SHISA6: variants seen among roughly 807,000 people sequenced by gnomAD.
SHISA6 encodes shisa family member 6, also known as protein shisa-6.
A neutral mutation model predicts 47.9 loss-of-function variants in SHISA6; 22 were observed. The observed-to-expected ratio is 0.46, with a 90% confidence interval of 0.33 to 0.66. SHISA6 has a LOEUF of 0.66. SHISA6 is among the 30% of genes least tolerant of loss of function. The pLI is 0.02. For synonymous variants in SHISA6, 388 were observed against 337.8 expected, an observed-to-expected ratio of 1.15 and a Z score of -1.63; for missense variants, 680 against 764.6, an observed-to-expected ratio of 0.89 and a Z score of 1.30.
intron 3 of SHISA6, among the ~76,000 whole-genome samples, chr17:11,455,591 C>T (rs1344150722): frequency 2.6e-5 from 4 of 151,904 alleles, no homozygotes; most frequent in Non-Finnish European, 5.9e-5. Flanking sequence ...CCAAATGGCA[C>T]TCTTCACAAG....
chr17:11,347,880 G>T (rs151123630), intron 2 of SHISA6, among the ~76,000 whole-genome samples: 1 of 152,176 alleles, frequency 6.6e-6, no homozygotes, highest in African/African-American at 2.4e-5. Flanking sequence ...GTTGTCCCAC[G>T]TAACCCACTC....
At chr17:11,410,344 A>G (rs1309893797) in intron 3 of SHISA6, among the ~76,000 whole-genome samples, 1 of 152,196 alleles carries the variant, frequency 6.6e-6, no homozygotes, top group African/African-American at 2.4e-5. Flanking sequence ...TCCTTCGCCT[A>G]TGTTTTCTTT....
intron 3 of SHISA6, among the ~76,000 whole-genome samples, chr17:11,401,729 A>G (rs1227790275): frequency 6.6e-6 from 1 of 152,168 alleles, no homozygotes; most frequent in Non-Finnish European, 1.5e-5. Flanking sequence ...TTTAAAGCAA[A>G]TATCCTCCAT....
At chr17:11,420,988 T>C (rs1211073079) in intron 3 of SHISA6, among the ~76,000 whole-genome samples, 1 of 152,184 alleles carries the variant, frequency 6.6e-6, no homozygotes, top group African/African-American at 2.4e-5. Flanking sequence ...ATGGGCTAAA[T>C]GGCCTATTCA....
intron 3 of SHISA6, among the ~76,000 whole-genome samples, chr17:11,531,267 A>G (rs921850402): frequency 4.3e-4 from 36 of 84,354 alleles, no homozygotes; most frequent in Admixed American, 2.3e-3. Flanking sequence ...GTGTGTGTGT[A>G]AGTGTGTAAA....
At chr17:11,462,087 G>A (rs1915706346) in intron 3 of SHISA6, among the ~76,000 whole-genome samples, 1 of 152,158 alleles carries the variant, frequency 6.6e-6, no homozygotes, top group Admixed American at 6.5e-5. Flanking sequence ...GAAAAGATCA[G>A]CTGGATCATA....
chr17:11,515,281 AAAG>A (rs1211058716), intron 3 of SHISA6, among the ~76,000 whole-genome samples: 2 of 133,458 alleles, frequency 1.5e-5, no homozygotes, highest in African/African-American at 5.3e-5. Context: ...TAGAGAAAGA[AAAG>A]AAAAGAAGAA....
intron 2 of SHISA6, among the ~76,000 whole-genome samples, chr17:11,342,431 A>G (rs1156583913): frequency 6.6e-6 from 1 of 151,976 alleles, no homozygotes; most frequent in Non-Finnish European, 1.5e-5. Context: ...AGATATGGAG[A>G]GAAGGCACAG....
At chr17:11,412,416 C>A (rs1914146783) in intron 3 of SHISA6, among the ~76,000 whole-genome samples, 2 of 152,074 alleles carry the variant, frequency 1.3e-5, no homozygotes, top group Admixed American at 1.3e-4. Flanking sequence ...CCCTCAAGGA[C>A]CACATTTATT....
At chr17:11,388,385 G>C (rs2142252971) in intron 3 of SHISA6, among the ~76,000 whole-genome samples, 1 of 152,242 alleles carries the variant, frequency 6.6e-6, no homozygotes, top group African/African-American at 2.4e-5. Context: ...GGATGGGTAG[G>C]AGTGGGAGCA....
intron 1 of SHISA6, among the ~76,000 whole-genome samples, chr17:11,247,267 A>G (rs888080418): frequency 3.3e-5 from 5 of 152,240 alleles, no homozygotes; most frequent in Non-Finnish European, 5.9e-5. Context: ...GATCCGGAAT[A>G]AAAGGGAACC....
chr17:11,433,055 G>A (rs1914832204), intron 3 of SHISA6, among the ~76,000 whole-genome samples: 1 of 152,200 alleles, frequency 6.6e-6, no homozygotes, highest in Admixed American at 6.5e-5. Context: ...TGTATGGCAT[G>A]TGAATTGTAT....
At chr17:11,544,361 G>A (rs1034138238) in intron 3 of SHISA6, among the ~76,000 whole-genome samples, 7 of 151,898 alleles carry the variant, frequency 4.6e-5, no homozygotes, top group Non-Finnish European at 8.8e-5. Context: ...TCTCAAAACA[G>A]GAAAATGCAA....
At chr17:11,531,978 CAAATAAAATTTGTA>C (rs1290286650) in intron 3 of SHISA6, among the ~76,000 whole-genome samples, 1 of 151,902 alleles carries the variant, frequency 6.6e-6, no homozygotes, top group Non-Finnish European at 1.5e-5. Flanking sequence ...TTGTCAAATA[CAAATAAAATTTGTA>C]AAATAAAATG....
At chr17:11,243,049 G>T (rs1489677119) in intron 1 of SHISA6, among the ~76,000 whole-genome samples, 3 of 151,900 alleles carry the variant, frequency 2.0e-5, no homozygotes, top group Non-Finnish European at 4.4e-5. Flanking sequence ...CCTGCCCCGG[G>T]AGATGCCTCC....
At chr17:11,332,731 C>T (rs564431058) in intron 2 of SHISA6, among the ~76,000 whole-genome samples, 18 of 152,228 alleles carry the variant, frequency 1.2e-4, no homozygotes, top group African/African-American at 3.9e-4. Context: ...ATGCCCATGC[C>T]GGGGTTGGGG....
At chr17:11,411,003 C>T (rs11651027) in intron 3 of SHISA6, among the ~76,000 whole-genome samples, 52,361 of 152,084 alleles carry the variant, frequency 0.34, 9,439 homozygotes, top group Non-Finnish European at 0.42. Flanking sequence ...GAGTCTCACT[C>T]TATCGCCCAT....
intron 1 of SHISA6, among the ~76,000 whole-genome samples, chr17:11,257,577 CT>C (rs1163053414): frequency 2.0e-5 from 3 of 151,204 alleles, no homozygotes; most frequent in Non-Finnish European, 4.4e-5. Context: ...GGGAGGATCG[CT>C]TGAGCCCAGG....
At chr17:11,377,679 A>G (rs757326128) in intron 2 of SHISA6, among the ~76,000 whole-genome samples, 6 of 152,202 alleles carry the variant, frequency 3.9e-5, no homozygotes, top group Non-Finnish European at 8.8e-5. Flanking sequence ...CTGAACATAA[A>G]TTGTGGGTAG....
Sources: gnomAD v4.1 joint callset for allele counts (sites outside exome capture counted in the v4.1 genomes callset) on GRCh38, gnomAD v4.1.1 for gene constraint, MANE v1.5 for transcripts, NCBI Gene and HGNC (gene_info 2026-07-23, HGNC 2026-07-21) for gene names.